SYT17: variants seen among roughly 807,000 people sequenced by gnomAD.
SYT17 encodes the protein synaptotagmin-17.
A neutral mutation model predicts 46.7 loss-of-function variants in SYT17; 22 were observed. The observed-to-expected ratio is 0.47, with a 90% confidence interval of 0.34 to 0.67. The LOEUF is 0.67. SYT17 is among the 30% of genes least tolerant of loss of function. SYT17 has a pLI of 0.01. For missense variants in SYT17, 519 were observed against 612.8 expected, an observed-to-expected ratio of 0.85 and a Z score of 1.62; for synonymous variants, 251 against 248.4, an observed-to-expected ratio of 1.01 and a Z score of -0.10.
intron 5 of SYT17, among the ~76,000 whole-genome samples, chr16:19,201,428 T>C (rs1295890812): frequency 2.0e-5 from 3 of 152,126 alleles, no homozygotes; most frequent in African/African-American, 7.2e-5. Flanking sequence ...TCAGAATCAA[T>C]GACCACCAGC....
rs1358255989 is a variant in SYT17 at position 19,224,623 on chromosome 16, G to C, written c.1073-60G>C. 3 of 1,577,076 alleles carry C rather than the reference G, an allele frequency of 1.9e-6. No individual in the cohort carries two copies. The African/African-American group carries it at 4.1e-5, about 21-fold the overall frequency. On this transcript the variant is annotated intron_variant, in intron 6 of 7. Transcript: ENST00000355377. Reference sequence around the variant, plus strand: ...TGGATGGGAGGTTGAATGGCAGAATGACTGGACGGATTAGGTTTCATGATC... The same window carrying C: ...TGGATGGGAGGTTGAATGGCAGAATCACTGGACGGATTAGGTTTCATGATC...
intron 6 of SYT17, among the ~76,000 whole-genome samples, 158 bp from the exon 7 acceptor site, chr16:19,224,525 A>T (rs1966432201): frequency 6.6e-6 from 1 of 152,184 alleles, no homozygotes; most frequent in Non-Finnish European, 1.5e-5. Context: ...AGGTGGATGA[A>T]TGGACGGACT....
In SYT17 at chr16:19,173,585, A is replaced by C. The variant is rs1567196342; in HGVS notation, c.182+7A>C. The C allele has an allele frequency of 6.2e-7, 1 of 1,612,694 alleles. No individual in the cohort carries two copies. The highest frequency in any genetic ancestry group is 8.5e-7 in the Non-Finnish European group (1 of 1,179,636). On this transcript the variant is annotated splice_region_variant and intron_variant, in intron 3 of 7. Coordinates refer to ENST00000355377, the MANE Select transcript of SYT17 (RefSeq NM_016524.4). ...CTCAGACCCCTCCCTGGCTGTAAGT[A>C]AAACTGCTCTGAACTTCTCTGAAAT...
chr16:19,241,798 G>A lies in SYT17; in HGVS notation c.1228+16960G>A, dbSNP rs530156019. Among the ~76,000 whole-genome samples the A allele has an allele frequency of 2.6e-5, 4 of 152,312 alleles. No homozygotes were observed. The South Asian group carries it at 8.3e-4, about 32-fold the overall frequency. On this transcript the variant is annotated intron_variant, in intron 7 of 7. Transcript: ENST00000355377. ...AGTCACAGAGGCTCTGGGCCTGGGA[G>A]TGGGTCCCATCCAGTCATACAAGGG...
At chr16:19,190,219 A>C (rs997078268) in intron 5 of SYT17, among the ~76,000 whole-genome samples, 1 of 152,154 alleles carries the variant, frequency 6.6e-6, no homozygotes, top group Non-Finnish European at 1.5e-5. Flanking sequence ...AAAATACAAA[A>C]AATTAGTGAG....
chr16:19,228,661 G>A (rs1966579266), intron 7 of SYT17, among the ~76,000 whole-genome samples: 1 of 152,178 alleles, frequency 6.6e-6, no homozygotes, highest in African/African-American at 2.4e-5. Flanking sequence ...ATCCCAGCTA[G>A]GGTGGCAATT....
chr16:19,257,102 C>G (rs1252246428), intron 7 of SYT17, among the ~76,000 whole-genome samples: 2 of 152,142 alleles, frequency 1.3e-5, no homozygotes, highest in African/African-American at 4.8e-5. Context: ...TCGTAGTACA[C>G]AGACCTCAAG....
intron 5 of SYT17, among the ~76,000 whole-genome samples, chr16:19,199,102 T>C (rs1965364528): frequency 1.3e-5 from 2 of 152,218 alleles, no homozygotes; most frequent in South Asian, 4.1e-4. Context: ...CACATATGTA[T>C]GGCAGGTTCT....
At chr16:19,233,237 G>T (rs1405424652) in intron 7 of SYT17, among the ~76,000 whole-genome samples, 1 of 152,202 alleles carries the variant, frequency 6.6e-6, no homozygotes, top group Non-Finnish European at 1.5e-5. Context: ...AATTGAATCT[G>T]CTGGTGAGAT....
chr16:19,259,743 T>G (rs1968830268), intron 7 of SYT17, among the ~76,000 whole-genome samples: 2 of 151,992 alleles, frequency 1.3e-5, no homozygotes, highest in African/African-American at 4.8e-5. Context: ...TGCTTCCAGA[T>G]GACTAGGGTA....
rs1963974489 is a variant in SYT17, at chr16:19,168,950, C to T, written c.15+289C>T. Among the ~76,000 whole-genome samples the T allele has an allele frequency of 6.6e-6, 1 of 151,846 alleles. No homozygotes were observed. The highest frequency in any genetic ancestry group is 1.5e-5 in the Non-Finnish European group (1 of 67,914). On this transcript the variant is annotated intron_variant, in intron 1 of 7. Coordinates refer to ENST00000355377, the MANE Select transcript of SYT17 (RefSeq NM_016524.4). This position sits in a 1 kb window ranked among gnomAD's most constrained non-coding sequence, Gnocchi z 6.9. ...TGGGGCGGACTTTTCTTCTCCCCTG[C>T]CCCCTCCCTCTCCTTGGCACCCCAC...
chr16:19,215,084 G>A (rs780583780), intron 5 of SYT17, among the ~76,000 whole-genome samples: 10 of 152,006 alleles, frequency 6.6e-5, no homozygotes, highest in Non-Finnish European at 1.5e-4. Context: ...CACCGTGCCC[G>A]GACAAAAAGG....
chr16:19,185,792 G>A (rs748724037), intron 5 of SYT17, among the ~76,000 whole-genome samples: 17 of 152,164 alleles, frequency 1.1e-4, no homozygotes, highest in Admixed American at 3.3e-4. Context: ...GGCGGGTGGC[G>A]AGCACTCCAC....
intron 7 of SYT17, among the ~76,000 whole-genome samples, chr16:19,231,393 T>A (rs944247799): frequency 6.6e-6 from 1 of 151,664 alleles, no homozygotes; most frequent in Non-Finnish European, 1.5e-5. Context: ...CAACATGGTG[T>A]AACCCCATTT....
chr16:19,254,554 C>T (rs1968426840), intron 7 of SYT17, among the ~76,000 whole-genome samples: 1 of 152,198 alleles, frequency 6.6e-6, no homozygotes, highest in South Asian at 2.1e-4. Context: ...CTAATGATAT[C>T]ACCACACTGG....
chr16:19,211,340 A>C (rs1965892827), intron 5 of SYT17: 2 of 692,092 alleles, frequency 2.9e-6, no homozygotes, highest in African/African-American at 1.8e-5. Flanking sequence ...GTGGTGTGGC[A>C]GCAGCTCAGC....
In SYT17 at chr16:19,168,634, C is replaced by G. The variant is rs369031857; in HGVS notation, c.-13C>G. The G allele has an allele frequency of 3.9e-6, 6 of 1,538,308 alleles. No homozygotes were observed. The South Asian group carries it at 6.0e-5, about 15-fold the overall frequency. On this transcript the variant is annotated 5_prime_UTR_variant, in exon 1 of 8. Transcript: ENST00000355377. The surrounding 1 kb of genome is among the most constrained non-coding windows in gnomAD (Gnocchi z 6.9). ...CGCCATGCCCGGGCCGGAGTGAGTG[C>G]GCGCGGGCGAAAATGGCGTACATCC... is the stretch of plus-strand genomic sequence containing the variant.
In SYT17 at chr16:19,168,350, C is replaced by T; in HGVS notation, c.-297C>T. ...CCCGGCCTTATTCCAGCCTGGGGAGCGCCTCGGTGGGGAGCACGGGACAGC... is the reference window on the plus strand; with the variant it reads ...CCCGGCCTTATTCCAGCCTGGGGAGTGCCTCGGTGGGGAGCACGGGACAGC... On this transcript the variant is annotated 5_prime_UTR_variant, in exon 1 of 8. Transcript: ENST00000355377. This position sits in a 1 kb window ranked among gnomAD's most constrained non-coding sequence, Gnocchi z 6.9. 1 of 485,598 alleles carries T rather than the reference C, an allele frequency of 2.1e-6. No homozygotes were observed. The highest frequency in any genetic ancestry group is 3.6e-6 in the Non-Finnish European group (1 of 276,404). 30.1% of individuals were successfully genotyped at this position (485,598 alleles called of 1,614,324 possible).
intron 5 of SYT17, among the ~76,000 whole-genome samples, chr16:19,196,287 C>A (rs4780783): frequency 1.1e-4 from 16 of 150,880 alleles, no homozygotes; most frequent in Non-Finnish European, 1.5e-4. Context: ...CTGTTGCCCA[C>A]GCTGGAGTGC....
Sources: gnomAD v4.1 joint callset for allele counts (sites outside exome capture counted in the v4.1 genomes callset) on GRCh38, gnomAD v4.1.1 for gene constraint, Gnocchi (gnomAD v3.1) non-coding constraint, MANE v1.5 for transcripts, NCBI Gene and HGNC (gene_info 2026-07-23, HGNC 2026-07-21) for gene names.